The following CNTN5 variants were observed in gnomAD, a reference collection of about 807,000 sequenced individuals.
CNTN5 encodes contactin-5.
A neutral mutation model predicts 129.1 loss-of-function variants in CNTN5; 77 were observed. That is an observed-to-expected ratio of 0.60 (90% CI 0.50 to 0.72). The LOEUF is 0.72. CNTN5 is among the 30% of genes least tolerant of loss of function. The pLI is 0.00. For missense variants in CNTN5, 1,478 were observed against 1,328.8 expected, an observed-to-expected ratio of 1.11 and a Z score of -1.75; for synonymous variants, 509 against 465.6, an observed-to-expected ratio of 1.09 and a Z score of -1.20.
intron 6 of CNTN5, among the ~76,000 whole-genome samples, chr11:99,868,847 G>A (rs539617914): frequency 4.6e-5 from 7 of 152,262 alleles, no homozygotes; most frequent in East Asian, 3.9e-4. Context: ...GAGGGGACAC[G>A]TATAGGTTTT....
intron 2 of CNTN5, among the ~76,000 whole-genome samples, chr11:99,394,201 T>C (rs1052976350): frequency 3.3e-5 from 5 of 151,716 alleles, no homozygotes; most frequent in African/African-American, 1.2e-4. Flanking sequence ...TATTTTTGGC[T>C]GAACAAAATT....
At chr11:99,493,599 G>A (rs910453620) in intron 2 of CNTN5, among the ~76,000 whole-genome samples, 11 of 152,176 alleles carry the variant, frequency 7.2e-5, no homozygotes, top group African/African-American at 2.4e-4. Context: ...AACAAATTCC[G>A]GTTCTAGTGC....
intron 1 of CNTN5, among the ~76,000 whole-genome samples, chr11:99,297,355 C>A (rs2135936084): frequency 6.6e-6 from 1 of 152,246 alleles, no homozygotes; most frequent in Admixed American, 6.5e-5. Context: ...CAAGTTTCCC[C>A]TTTTAGGGAG....
At chr11:99,801,455 T>A (rs1419855052) in intron 3 of CNTN5, among the ~76,000 whole-genome samples, 2 of 152,216 alleles carry the variant, frequency 1.3e-5, no homozygotes, top group Non-Finnish European at 2.9e-5. Context: ...TCTCTGGATT[T>A]CTTGTATGTG....
intron 3 of CNTN5, among the ~76,000 whole-genome samples, chr11:99,657,328 T>C (rs372021816): frequency 1.3e-5 from 2 of 152,058 alleles, no homozygotes; most frequent in East Asian, 1.9e-4. Context: ...AAAATAAATA[T>C]ACCTGCATCT....
intron 8 of CNTN5, among the ~76,000 whole-genome samples, chr11:99,998,063 A>C (rs1384727609): frequency 6.6e-6 from 1 of 152,104 alleles, no homozygotes; most frequent in Non-Finnish European, 1.5e-5. Flanking sequence ...GAATGGGCAA[A>C]AACTGGAAGC....
intron 3 of CNTN5, among the ~76,000 whole-genome samples, chr11:99,664,282 C>G (rs533313504): frequency 1.3e-5 from 2 of 152,178 alleles, no homozygotes; most frequent in South Asian, 4.1e-4. Flanking sequence ...TTGTGCTGCC[C>G]GAGTTCCCAC....
chr11:99,226,606 T>C (rs1860698319), intron 1 of CNTN5, among the ~76,000 whole-genome samples: 1 of 152,104 alleles, frequency 6.6e-6, no homozygotes, highest in Non-Finnish European at 1.5e-5. Context: ...ACAATTAAAC[T>C]CCACTATGAT....
chr11:99,028,607 T>C (rs1863215014), intron 1 of CNTN5, among the ~76,000 whole-genome samples: 1 of 151,914 alleles, frequency 6.6e-6, no homozygotes. Context: ...AAGATTCACC[T>C]AACCACTTTA....
chr11:100,261,662 A>G (rs945622544), intron 17 of CNTN5, among the ~76,000 whole-genome samples: 1 of 152,194 alleles, frequency 6.6e-6, no homozygotes, highest in African/African-American at 2.4e-5. Flanking sequence ...AAACCATCTG[A>G]TCTTTGACAA....
At chr11:100,025,421 G>C (rs11530632) in intron 9 of CNTN5, among the ~76,000 whole-genome samples, 39,899 of 152,200 alleles carry the variant, frequency 0.26, 6,003 homozygotes, top group East Asian at 0.45. Flanking sequence ...CAGTGCAGAA[G>C]GGAACTGTTG....
intron 9 of CNTN5, among the ~76,000 whole-genome samples, chr11:100,004,580 T>C (rs1940076902): frequency 1.3e-5 from 2 of 152,184 alleles, no homozygotes; most frequent in Non-Finnish European, 2.9e-5. Flanking sequence ...CCAGATGTAA[T>C]CAGGATCCAA....
intron 1 of CNTN5, among the ~76,000 whole-genome samples, chr11:99,133,245 A>C (rs985372794): frequency 6.6e-6 from 1 of 152,198 alleles, no homozygotes; most frequent in Non-Finnish European, 1.5e-5. Flanking sequence ...TACCTTATAC[A>C]AAAATTAACT....
chr11:99,920,013 G>T (rs1949897005), intron 7 of CNTN5, among the ~76,000 whole-genome samples: 1 of 151,768 alleles, frequency 6.6e-6, no homozygotes, highest in African/African-American at 2.4e-5. Flanking sequence ...CACGTCTGTG[G>T]GTGTTTGGTT....
intron 1 of CNTN5, among the ~76,000 whole-genome samples, chr11:99,260,827 A>T (rs1053073406): frequency 1.1e-4 from 17 of 151,930 alleles, no homozygotes; most frequent in African/African-American, 4.1e-4. Flanking sequence ...TTATGTTAGT[A>T]TCAGTGGGAC....
intron 1 of CNTN5, among the ~76,000 whole-genome samples, chr11:99,228,041 T>G (rs545261935): frequency 6.6e-6 from 1 of 152,120 alleles, no homozygotes; most frequent in Non-Finnish European, 1.5e-5. Flanking sequence ...GCTTGATCTG[T>G]TGCCCAGTTG....
intron 18 of CNTN5, among the ~76,000 whole-genome samples, chr11:100,272,868 A>G (rs1480613928): frequency 6.6e-6 from 1 of 152,094 alleles, no homozygotes; most frequent in Non-Finnish European, 1.5e-5. Flanking sequence ...TGGACTTGGC[A>G]GGGAGAGCTG....
At chr11:100,066,199 A>G (rs1314766462) in intron 10 of CNTN5, among the ~76,000 whole-genome samples, 1 of 152,156 alleles carries the variant, frequency 6.6e-6, no homozygotes, top group Non-Finnish European at 1.5e-5. Context: ...GCTGAGACTC[A>G]TTACAGTTAA....
intron 2 of CNTN5, among the ~76,000 whole-genome samples, chr11:99,431,778 T>G (rs1453556723): frequency 6.6e-6 from 1 of 152,194 alleles, no homozygotes; most frequent in Non-Finnish European, 1.5e-5. Context: ...ACAGGAACAA[T>G]CTGTGATCCA....
Sources: gnomAD v4.1 joint callset for allele counts (sites outside exome capture counted in the v4.1 genomes callset) on GRCh38, gnomAD v4.1.1 for gene constraint, MANE v1.5 for transcripts, NCBI Gene and HGNC (gene_info 2026-07-23, HGNC 2026-07-21) for gene names.